The following ZNF502 variants were observed in gnomAD, a reference collection of about 807,000 sequenced individuals.
The protein encoded by ZNF502 is zinc finger protein 502.
ZNF502 carries 29 observed loss-of-function variants against 43.6 expected under a neutral mutation model. The observed-to-expected ratio is 0.67, with a 90% confidence interval of 0.50 to 0.91. The LOEUF is 0.91. Among genes scored for constraint, ZNF502 ranks in the 40% least tolerant of loss-of-function variants. ZNF502 has a pLI of 0.00. For missense variants in ZNF502, 591 were observed against 647.2 expected (o/e 0.91, Z 0.94); for synonymous variants, 171 against 207.4 (o/e 0.82, Z 1.51).
chr3:44,721,497 C>T lies in ZNF502; in HGVS notation c.680C>T (p.Thr227Ile). 6.2e-7 allele frequency: 1 copy of T among 1,614,146 alleles called. No individual in the cohort carries two copies. Among genetic ancestry groups the T allele is most frequent in the Non-Finnish European group, 8.5e-7 (1 of 1,180,008 alleles). The change falls in exon 3 of 3, where the codon ACT becomes ATT. Residue 227 changes from threonine (T) to isoleucine (I), a missense_variant. By Grantham distance (89) the Thr-to-Ile change is moderately conservative. Transcript: ENST00000436624. ...ACATTTCGATGTCGATCATTTCTTA[C>T]TCAGCATCAAAGAATTCACACTGGA... is the stretch of plus-strand genomic sequence containing the variant. ...GKTFRCRSFL[T>I]QHQRIHTGEK...
chr3:44,720,907 G>T lies in ZNF502; in HGVS notation c.90G>T (p.Gln30His). ...WVNKNKPALE[Q>H]DVCKIDSSGI... ...ACAAGAACAAGCCTGCTCTGGAGCA[G>T]GATGTCTGTAAAATTGACTCATCAG... is the stretch of plus-strand genomic sequence containing the variant. Residue 30 changes from glutamine (Q) to histidine (H), a missense_variant, in exon 3 of 3, where the codon CAG becomes CAT. By Grantham distance (24) the Gln-to-His change is conservative. Transcript: ENST00000436624. The T allele has an allele frequency of 1.2e-6, 2 of 1,613,652 alleles. No individual in the cohort carries two copies. The highest frequency in any genetic ancestry group is 1.7e-6 in the Non-Finnish European group (2 of 1,179,798).
At position 44,723,571 on chromosome 3, in the gene ZNF502, T is replaced by G. The variant is rs1704429421; in HGVS notation, c.*1119T>G. On this transcript the variant is annotated 3_prime_UTR_variant, in exon 3 of 3. Transcript: ENST00000436624. The stretch of plus-strand genomic sequence containing the variant: ...CGTGGAATGACTTTGGAAAGACTTC[T>G]AAAAGAATCTTTTTCAAATCCCTGA... 1 of 152,264 alleles carries G rather than the reference T, an allele frequency of 6.6e-6. No individual in the cohort carries two copies. The highest frequency in any genetic ancestry group is 2.4e-5 in the African/African-American group (1 of 41,466). The allele number at this position is 152,264 out of a possible 1,614,324, so 9.4% of individuals were successfully genotyped here.
Position 44,721,882 on chromosome 3 carries a change from ATG to A in ZNF502, c.1068_1069del (p.Cys356TrpfsTer12). The stretch of plus-strand genomic sequence containing the variant: ...GAGAGAAACCCTATAAATGTAAAGA[ATG>A]TGGCAAAGCCTTTTGTCAGAGCCCA... ...SGEKPYKCKECGKAFCQSPSL... is the reference protein window; with the variant it reads ...SGEKPYKCKEXGKAFCQSPSL... On this transcript the variant is annotated frameshift_variant, in exon 3 of 3. Transcript: ENST00000436624. LOFTEE classifies it high-confidence loss of function. The A allele has an allele frequency of 6.2e-7, 1 of 1,614,028 alleles. No homozygotes were observed.
In ZNF502 at chr3:44,721,673, CAG is replaced by C; in HGVS notation, c.860_861del (p.Arg287AsnfsTer5). 3.1e-6 allele frequency: 5 copies of C among 1,614,022 alleles called. No individual in the cohort carries two copies. The highest frequency in any genetic ancestry group is 4.2e-6 in the Non-Finnish European group (5 of 1,179,928). Reference sequence around the variant, plus strand: ...TCAGAATACACACCTTATTCATCATCAGAGAATTCACACTGGTGAGAAGCCTT... The same window carrying C: ...TCAGAATACACACCTTATTCATCATCAGAATTCACACTGGTGAGAAGCCTT... The part of the protein sequence containing the change: ...FNQNTHLIHH[Q>X]RIHTGEKPYI... On this transcript the variant is annotated frameshift_variant, in exon 3 of 3. Transcript: ENST00000436624. LOFTEE classifies it high-confidence loss of function.
Position 44,722,442 on chromosome 3 carries a change from G to C in ZNF502, c.1625G>C (p.Ser542Thr). 2 of 1,609,786 alleles carry C rather than the reference G, an allele frequency of 1.2e-6. No individual in the cohort carries two copies. The highest frequency in any genetic ancestry group is 2.2e-5 in the South Asian group (2 of 90,812). The change falls in exon 3 of 3, where the codon AGT (serine) becomes ACT (threonine). Residue 542 changes from serine (S) to threonine (T), a missense_variant. Ser to Thr is a moderately conservative substitution (Grantham distance 58). Transcript: ENST00000436624. ...CTTTTCAGACATCAGAAACTTCACA[G>C]TGGTGACTAATGCTGCCATTTAGGT... Reference protein sequence around the residue: ...SVLFRHQKLHSGD With the variant: ...SVLFRHQKLHTGD
rs1575544968 is a variant in ZNF502 at position 44,722,709 on chromosome 3, T to G, written c.*257T>G. 2.3e-6 allele frequency: 1 copy of G among 425,630 alleles called. No individual in the cohort carries two copies. The allele number at this position is 425,630 out of a possible 1,614,324, so 26.4% of individuals were successfully genotyped here. Reference sequence around the variant, plus strand: ...TACACATTGCCACTGTCTCCCCATGTGACTCTTACAGCTTGAGGAGGCATT... The same window carrying G: ...TACACATTGCCACTGTCTCCCCATGGGACTCTTACAGCTTGAGGAGGCATT... On this transcript the variant is annotated 3_prime_UTR_variant, in exon 3 of 3. Coordinates refer to ENST00000436624, the MANE Select transcript of ZNF502 (RefSeq NM_001134442.3).
rs1343153614 is a variant in ZNF502 at position 44,721,350 on chromosome 3, C to T, written c.533C>T (p.Thr178Ile). ...SSLTQHQRTH[T>I]GERPYTCEEC... ...CTTACCCAACATCAGAGAACTCATA[C>T]TGGAGAGAGACCCTACACATGTGAG... The change falls in exon 3 of 3, where the codon ACT (threonine) becomes ATT (isoleucine). Residue 178 changes from threonine to isoleucine, a missense_variant. Transcript: ENST00000436624. 1.9e-6 allele frequency: 3 copies of T among 1,614,144 alleles called. No individual in the cohort carries two copies. Among genetic ancestry groups the T allele is most frequent in the Non-Finnish European group, 2.5e-6 (3 of 1,179,988 alleles).
chr3:44,723,344 A>C lies in ZNF502; in HGVS notation c.*892A>C, dbSNP rs1704418972. On this transcript the variant is annotated 3_prime_UTR_variant, in exon 3 of 3. Transcript: ENST00000436624. ...AAGTCACCTACATAACCCTGCCTGTACTAAGGTGTACACCTGTCTATTGTA... is the reference window on the plus strand; with the variant it reads ...AAGTCACCTACATAACCCTGCCTGTCCTAAGGTGTACACCTGTCTATTGTA... 6.6e-6 allele frequency: 1 copy of C among 152,258 alleles called. No individual in the cohort carries two copies. Among genetic ancestry groups the C allele is most frequent in the African/African-American group, 2.4e-5 (1 of 41,462 alleles). The allele number at this position is 152,258 out of a possible 1,614,324, so 9.4% of individuals were successfully genotyped here.
chr3:44,715,571 T>C, intron 1 of ZNF502, among the ~76,000 whole-genome samples: 2 of 152,328 alleles, frequency 1.3e-5, no homozygotes, highest in Admixed American at 1.3e-4. Flanking sequence ...TAATTTGTTA[T>C]ATATTCTTAT....
intron 1 of ZNF502, among the ~76,000 whole-genome samples, 165 bp from the exon 2 acceptor site, chr3:44,720,038 G>A (rs991271603): frequency 6.6e-6 from 1 of 152,182 alleles, no homozygotes; most frequent in Non-Finnish European, 1.5e-5. Context: ...AACCTAGGAG[G>A]CTACAAGCCA....
At chr3:44,720,174 C>A in intron 1 of ZNF502, 29 bp from the exon 2 acceptor site, 1 of 1,420,574 alleles carries the variant, frequency 7.0e-7, no homozygotes, top group Non-Finnish European at 1.0e-6. Flanking sequence ...TATTCCCTCC[C>A]TCCCTGCACC....
intron 1 of ZNF502, 29 bp from the exon 2 acceptor site, chr3:44,720,174 C>T (rs1203575298): frequency 2.8e-5 from 40 of 1,420,460 alleles, no homozygotes; most frequent in Non-Finnish European, 3.9e-5. Flanking sequence ...TATTCCCTCC[C>T]TCCCTGCACC....
chr3:44,715,277 T>C (rs1186416121), intron 1 of ZNF502, among the ~76,000 whole-genome samples: 1 of 152,150 alleles, frequency 6.6e-6, no homozygotes, highest in Non-Finnish European at 1.5e-5. Context: ...TGTTTTAACA[T>C]ATTATATTTT....
intron 1 of ZNF502, among the ~76,000 whole-genome samples, chr3:44,719,093 T>C (rs755788517): frequency 3.8e-4 from 57 of 151,906 alleles, no homozygotes; most frequent in Non-Finnish European, 7.6e-4. Context: ...CCCGCCTCAT[T>C]CTCCCGAGTA....
chr3:44,720,027 G>A (rs1704263854), intron 1 of ZNF502, among the ~76,000 whole-genome samples, 176 bp from the exon 2 acceptor site: 1 of 152,218 alleles, frequency 6.6e-6, no homozygotes, highest in African/African-American at 2.4e-5. Flanking sequence ...AATGGGGTGT[G>A]AACCTAGGAG....
rs766349957 is a variant in ZNF502 at position 44,721,668 on chromosome 3, A to G, written c.851A>G (p.His284Arg). Residue 284 changes from histidine to arginine, a missense_variant, in exon 3 of 3, where the codon CAT becomes CGT. Physicochemically the swap from His to Arg is conservative, Grantham distance 29. Coordinates refer to ENST00000436624, the MANE Select transcript of ZNF502 (RefSeq NM_001134442.3). ...TTCAATCAGAATACACACCTTATTCATCATCAGAGAATTCACACTGGTGAG... is the reference window on the plus strand; with the variant it reads ...TTCAATCAGAATACACACCTTATTCGTCATCAGAGAATTCACACTGGTGAG... ...KAFNQNTHLI[H>R]HQRIHTGEKP... is the part of the protein sequence containing the mutation. 3 of 1,613,978 alleles carry G rather than the reference A, an allele frequency of 1.9e-6. No homozygotes were observed. The highest frequency in any genetic ancestry group is 2.5e-6 in the Non-Finnish European group (3 of 1,179,962).
rs1223368973 is a variant in ZNF502 at position 44,712,716 on chromosome 3, C to T, written c.-84C>T. 6.6e-6 allele frequency: 1 copy of T among 152,320 alleles called. No individual in the cohort carries two copies. Among genetic ancestry groups the T allele is most frequent in the African/African-American group, 2.4e-5 (1 of 41,472 alleles). The allele number at this position is 152,320 out of a possible 1,614,324, so 9.4% of individuals were successfully genotyped here. A position where few individuals can be genotyped will look rare whatever the true frequency, so the allele number is the denominator to read the frequency against. ...CACCTCTGGGAGCGCCTGCGCCGCT[C>T]CGCGGAGAGTCCGTGGATCTCACAG... On this transcript the variant is annotated 5_prime_UTR_variant, in exon 1 of 3. Coordinates refer to ENST00000436624, the MANE Select transcript of ZNF502 (RefSeq NM_001134442.3).
chr3:44,721,518 C>T lies in ZNF502; in HGVS notation c.701C>T (p.Thr234Ile). Reference sequence around the variant, plus strand: ...CTTACTCAGCATCAAAGAATTCACACTGGAGAGAAACCTTATAAATGCAAT... The same window carrying T: ...CTTACTCAGCATCAAAGAATTCACATTGGAGAGAAACCTTATAAATGCAAT... ...SFLTQHQRIHTGEKPYKCNEC... is the reference protein window; with the variant it reads ...SFLTQHQRIHIGEKPYKCNEC... The change falls in exon 3 of 3, where the codon ACT becomes ATT. Residue 234 changes from threonine to isoleucine, a missense_variant. Transcript: ENST00000436624. The T allele has an allele frequency of 6.2e-7, 1 of 1,607,572 alleles. No individual in the cohort carries two copies. The highest frequency in any genetic ancestry group is 8.5e-7 in the Non-Finnish European group (1 of 1,176,002).
chr3:44,714,569 A>T (rs527739686), intron 1 of ZNF502: 3 of 152,320 alleles, frequency 2.0e-5, no homozygotes, highest in African/African-American at 7.2e-5. Context: ...CCTAAAAAAA[A>T]TTGCTTTCTG....
Sources: allele counts gnomAD v4.1 joint callset (sites outside exome capture counted in the v4.1 genomes callset), GRCh38; gene constraint gnomAD v4.1.1; transcripts MANE v1.5; gene names NCBI Gene and HGNC (gene_info 2026-07-23, HGNC 2026-07-21).